The following MORN5 variants were observed in gnomAD, a reference collection of about 807,000 sequenced individuals.
The protein encoded by MORN5 is MORN repeat containing 5.
Under a neutral mutation model 22.1 loss-of-function variants are expected in MORN5, and 21 were observed. The observed-to-expected ratio is 0.95, with a 90% CI of 0.67 to 1.37. The LOEUF is 1.37. Among genes scored for constraint, MORN5 ranks in the 40% most tolerant of loss-of-function variants. The pLI is 0.00. For missense variants in MORN5, 211 were observed against 215.1 expected (o/e 0.98, Z 0.12); for synonymous variants, 73 against 74.0 (o/e 0.99, Z 0.07).
chr9:122,166,026 G>A (rs1284476334), intron 1 of MORN5, among the ~76,000 whole-genome samples: 1 of 152,178 alleles, frequency 6.6e-6, no homozygotes, highest in East Asian at 1.9e-4. Flanking sequence ...CGATCATGGT[G>A]GACGCAAAGG....
At chr9:122,186,648 T>C (rs1003402502) in intron 4 of MORN5, among the ~76,000 whole-genome samples, 1 of 152,140 alleles carries the variant, frequency 6.6e-6, no homozygotes, top group African/African-American at 2.4e-5. Flanking sequence ...CTTCCAGCCA[T>C]GGTGCCCATC....
intron 3 of MORN5, among the ~76,000 whole-genome samples, chr9:122,172,022 A>C (rs1470260719): frequency 7.5e-6 from 1 of 134,176 alleles, no homozygotes; most frequent in Non-Finnish European, 1.5e-5. Flanking sequence ...TGGTATGATC[A>C]TAGCTCACTG....
intron 4 of MORN5, among the ~76,000 whole-genome samples, chr9:122,199,308 G>A (rs1829961684): frequency 2.0e-5 from 3 of 152,168 alleles, no homozygotes; most frequent in Non-Finnish European, 4.4e-5. Context: ...CCCATTGCGT[G>A]GTTGGTCACG....
chr9:122,199,094 G>A (rs1261380153), intron 4 of MORN5, among the ~76,000 whole-genome samples: 4 of 152,130 alleles, frequency 2.6e-5, no homozygotes, highest in Non-Finnish European at 4.4e-5. Flanking sequence ...CTTGCACAGA[G>A]AGATGATGGC....
At chr9:122,191,934 G>A (rs1275279597) in intron 4 of MORN5, among the ~76,000 whole-genome samples, 1 of 152,224 alleles carries the variant, frequency 6.6e-6, no homozygotes, top group Non-Finnish European at 1.5e-5. Context: ...CCTTAAGGAC[G>A]CTCCCTTACA....
At chr9:122,160,589 C>G (rs1416648909) in intron 1 of MORN5, among the ~76,000 whole-genome samples, 1 of 150,780 alleles carries the variant, frequency 6.6e-6, no homozygotes. Context: ...TTCCTTCCTA[C>G]CTTCCTCTCT....
At chr9:122,187,860 T>TC (rs1829670681) in intron 4 of MORN5, among the ~76,000 whole-genome samples, 1 of 152,148 alleles carries the variant, frequency 6.6e-6, no homozygotes, top group Non-Finnish European at 1.5e-5. Context: ...CATCAGTGTG[T>TC]CCCAAGCTAT....
At chr9:122,189,988 G>A (rs981159631) in intron 4 of MORN5, among the ~76,000 whole-genome samples, 3 of 152,174 alleles carry the variant, frequency 2.0e-5, no homozygotes, top group Non-Finnish European at 2.9e-5. Flanking sequence ...CTTCCTAAGA[G>A]ATTTCCAAGG....
chr9:122,160,667 T>G (rs1829183293), intron 1 of MORN5, among the ~76,000 whole-genome samples: 1 of 151,940 alleles, frequency 6.6e-6, no homozygotes, highest in Non-Finnish European at 1.5e-5. Context: ...CTGGCTGGAG[T>G]GCAGTGGCCT....
chr9:122,178,817 T>G (rs1469005573), intron 4 of MORN5, among the ~76,000 whole-genome samples: 1 of 152,194 alleles, frequency 6.6e-6, no homozygotes, highest in African/African-American at 2.4e-5. Flanking sequence ...TTTTATGAAC[T>G]TTTACTGTGG....
At chr9:122,183,623 T>C (rs1236668182) in intron 4 of MORN5, among the ~76,000 whole-genome samples, 1 of 152,228 alleles carries the variant, frequency 6.6e-6, no homozygotes, top group African/African-American at 2.4e-5. Context: ...CCTCAAAGAA[T>C]ATCCTGATCA....
At chr9:122,188,858 T>G (rs529009237) in intron 4 of MORN5, among the ~76,000 whole-genome samples, 79 of 152,298 alleles carry the variant, frequency 5.2e-4, no homozygotes, top group African/African-American at 1.9e-3. Context: ...CCTGTGTGCC[T>G]CCTGTCCGGG....
chr9:122,172,696 G>C (rs571163692), intron 3 of MORN5, among the ~76,000 whole-genome samples: 1 of 152,186 alleles, frequency 6.6e-6, no homozygotes, highest in Non-Finnish European at 1.5e-5. Context: ...TTCCCAAGCT[G>C]TGAGCAACAT....
intron 4 of MORN5, among the ~76,000 whole-genome samples, chr9:122,183,310 C>T (rs183188638): frequency 2.0e-5 from 3 of 152,288 alleles, no homozygotes; most frequent in East Asian, 1.9e-4. Flanking sequence ...GCTAGAGCCT[C>T]GCTGGCAGTT....
chr9:122,165,744 C>T (rs188997022), intron 1 of MORN5, among the ~76,000 whole-genome samples: 25 of 152,226 alleles, frequency 1.6e-4, no homozygotes, highest in South Asian at 2.1e-4. Flanking sequence ...GGACAGGGAC[C>T]GCATCTGCCT....
At chr9:122,169,246 C>G (rs938659591) in intron 2 of MORN5, among the ~76,000 whole-genome samples, 2 of 152,224 alleles carry the variant, frequency 1.3e-5, no homozygotes, top group African/African-American at 4.8e-5. Flanking sequence ...CTGGGCATCC[C>G]TTTCACTTAA....
chr9:122,172,491 C>T (rs1003542688), intron 3 of MORN5, among the ~76,000 whole-genome samples: 5 of 152,190 alleles, frequency 3.3e-5, no homozygotes, highest in Middle Eastern at 3.4e-3. Context: ...TTTTTCCTGC[C>T]ATTCTCTCTG....
chr9:122,188,422 G>A (rs1829685458), intron 4 of MORN5, among the ~76,000 whole-genome samples: 1 of 152,234 alleles, frequency 6.6e-6, no homozygotes, highest in South Asian at 2.1e-4. Context: ...ACAGACTTCT[G>A]CAGATTCCTG....
At chr9:122,174,999 G>A in intron 4 of MORN5, 1 of 415,232 alleles carries the variant, frequency 2.4e-6, no homozygotes, top group Non-Finnish European at 3.2e-6. Context: ...CTTCCTTGTG[G>A]AGCTTGCATT....
Sources: gnomAD v4.1 joint callset for allele counts (sites outside exome capture counted in the v4.1 genomes callset) on GRCh38, gnomAD v4.1.1 for gene constraint, MANE v1.5 for transcripts, NCBI Gene and HGNC (gene_info 2026-07-23, HGNC 2026-07-21) for gene names.